MINDY4: variants seen among roughly 807,000 people sequenced by gnomAD.
The protein encoded by MINDY4 is probable ubiquitin carboxyl-terminal hydrolase MINDY-4.
In MINDY4, 68 loss-of-function variants were observed where a neutral mutation model predicts 87.0. The observed-to-expected ratio is 0.78, with a 90% CI of 0.64 to 0.96. MINDY4 has a LOEUF of 0.96. Ranked by LOEUF, MINDY4 falls within the 40% of genes least tolerant of loss-of-function variation. The probability of loss-of-function intolerance (pLI) is 0.00; values close to 1 mark genes in which losing one functional copy is unlikely to be tolerated. For synonymous variants in MINDY4, 379 were observed against 363.2 expected, an observed-to-expected ratio of 1.04 and a Z score of -0.50; for missense variants, 919 against 928.2, an observed-to-expected ratio of 0.99 and a Z score of 0.13.
At chr7:30,818,250 A>G (rs988439251) in intron 5 of MINDY4, among the ~76,000 whole-genome samples, 3 of 152,228 alleles carry the variant, frequency 2.0e-5, no homozygotes, top group Admixed American at 1.3e-4. Flanking sequence ...TACTGTTAAA[A>G]TAGTCTTGCA....
intron 5 of MINDY4, among the ~76,000 whole-genome samples, chr7:30,818,676 T>C (rs932036574): frequency 2.6e-5 from 4 of 152,190 alleles, no homozygotes; most frequent in Admixed American, 6.5e-5. Context: ...GATTTTCTTA[T>C]ATTTGGTGGA....
intron 10 of MINDY4, among the ~76,000 whole-genome samples, chr7:30,851,937 G>C (rs1347267230): frequency 6.6e-6 from 1 of 152,218 alleles, no homozygotes; most frequent in Non-Finnish European, 1.5e-5. Context: ...ACTTCCTACT[G>C]CCAGGGCTTG....
At chr7:30,837,996 G>A (rs1310592699) in intron 7 of MINDY4, among the ~76,000 whole-genome samples, 1 of 152,180 alleles carries the variant, frequency 6.6e-6, no homozygotes, top group African/African-American at 2.4e-5. Context: ...TGATTCTGGT[G>A]GAAAATAATG....
chr7:30,820,949 G>A (rs955844154), intron 5 of MINDY4, among the ~76,000 whole-genome samples: 10 of 152,126 alleles, frequency 6.6e-5, no homozygotes, highest in African/African-American at 2.2e-4. Flanking sequence ...TGAATTAACT[G>A]AAATGTATTT....
chr7:30,773,074 G>A (rs936548101), intron 1 of MINDY4, among the ~76,000 whole-genome samples: 18 of 152,032 alleles, frequency 1.2e-4, no homozygotes, highest in African/African-American at 4.1e-4. Flanking sequence ...AGAGTAGAAA[G>A]GAGTTGCCCA....
intron 5 of MINDY4, 148 bp downstream of exon 5, chr7:30,791,722 G>A: frequency 1.1e-6 from 1 of 877,524 alleles, no homozygotes; most frequent in Non-Finnish European, 1.7e-6. Flanking sequence ...GGTAGAGTTT[G>A]TTATGGTCAA....
At chr7:30,817,766 C>T (rs1475845737) in intron 5 of MINDY4, among the ~76,000 whole-genome samples, 1 of 152,240 alleles carries the variant, frequency 6.6e-6, no homozygotes, top group Non-Finnish European at 1.5e-5. Flanking sequence ...TCTTACCTAG[C>T]ATGTGCGTGT....
chr7:30,833,852 G>A (rs989219304), intron 6 of MINDY4, among the ~76,000 whole-genome samples: 3 of 152,258 alleles, frequency 2.0e-5, no homozygotes, highest in African/African-American at 7.2e-5. Flanking sequence ...CAGCAGGGCA[G>A]TCAAATCTTA....
At chr7:30,813,072 G>A (rs1788050868) in intron 5 of MINDY4, among the ~76,000 whole-genome samples, 1 of 152,178 alleles carries the variant, frequency 6.6e-6, no homozygotes, top group Non-Finnish European at 1.5e-5. Context: ...GGAGGGAGAC[G>A]ATGGTGGGAG....
Position 30,808,542 on chromosome 7 carries a change from C to T in MINDY4, c.1073+16968C>T, listed in dbSNP as rs181608712. On this transcript the variant is annotated intron_variant, in intron 5 of 17. Coordinates refer to ENST00000265299, the MANE Select transcript of MINDY4 (RefSeq NM_032222.3). ...TGTTTTGTCTTGAAGAAGCATGGGT[C>T]AGGCACAAAGTAAGCCCACCCCACT... Among the ~76,000 whole-genome samples, 5 of 152,128 alleles carry T rather than the reference C, an allele frequency of 3.3e-5. No individual in the cohort carries two copies. In the East Asian group the frequency reaches 9.7e-4, roughly 29 times the overall value.
intron 13 of MINDY4, among the ~76,000 whole-genome samples, chr7:30,865,005 G>A (rs4134403): frequency 0.33 from 50,755 of 152,058 alleles, 11,943 homozygotes; most frequent in African/African-American, 0.67. Flanking sequence ...GGAGGTTTAA[G>A]TGTGCTGTTC....
At chr7:30,876,240 T>G (rs557711929) in intron 15 of MINDY4, among the ~76,000 whole-genome samples, 1 of 152,266 alleles carries the variant, frequency 6.6e-6, no homozygotes, top group African/African-American at 2.4e-5. Flanking sequence ...CACTCCAGTC[T>G]CTGCCTCCAT....
chr7:30,825,795 C>A (rs532199720), intron 5 of MINDY4, among the ~76,000 whole-genome samples: 2 of 151,168 alleles, frequency 1.3e-5, no homozygotes, highest in East Asian at 2.0e-4. Context: ...ATAACTGTTA[C>A]CATGTGTATT....
chr7:30,822,655 T>TTTATTTATTTATTTATTTG (rs1788376395), intron 5 of MINDY4, among the ~76,000 whole-genome samples: 5 of 78,992 alleles, frequency 6.3e-5, no homozygotes, highest in African/African-American at 5.6e-4. Context: ...TTATTTATTT[T>TTTATTTATTTATTTATTTG]CAGACAAGGT....
At chr7:30,834,279 A>G (rs755211260) in intron 6 of MINDY4, among the ~76,000 whole-genome samples, 16 of 152,324 alleles carry the variant, frequency 1.1e-4, no homozygotes, top group Non-Finnish European at 2.2e-4. Flanking sequence ...CCAAACCTCA[A>G]TTCTTGACTT....
At chr7:30,881,649 G>T (rs1300606684) in intron 15 of MINDY4, among the ~76,000 whole-genome samples, 1 of 152,188 alleles carries the variant, frequency 6.6e-6, no homozygotes, top group Non-Finnish European at 1.5e-5. Context: ...CGGCTGAGGT[G>T]GGTGGGCACC....
At chr7:30,836,820 G>A in intron 7 of MINDY4, 56 bp downstream of exon 7, 6 of 1,333,122 alleles carry the variant, frequency 4.5e-6, no homozygotes, top group Non-Finnish European at 6.4e-6. Flanking sequence ...GGATATAGAT[G>A]GCGTGATTTT....
chr7:30,828,843 C>T, intron 6 of MINDY4, 106 bp downstream of exon 6: 1 of 1,024,018 alleles, frequency 9.8e-7, no homozygotes, highest in Non-Finnish European at 1.5e-6. Context: ...TTCCACCTGA[C>T]CTCAGCGAGT....
At position 30,882,288 on chromosome 7, in the gene MINDY4, G is replaced by A. The variant is rs545098281; in HGVS notation, c.2079G>A (p.Arg693=). 1.1e-5 allele frequency: 18 copies of A among 1,614,004 alleles called. No individual in the cohort carries two copies. In the East Asian group the frequency reaches 3.8e-4, roughly 34 times the overall value. ...AGCCGGGGCTCCTGCGTGACTGGAG[G>A]ACTGAGAGGCTCTTTGACTTGTACT... is the stretch of plus-strand genomic sequence containing the variant. ...SLQPGLLRDW[R]TERLFDLYYY... is the part of the protein sequence containing the mutation. The change falls in exon 16 of 18, where the codon AGG becomes AGA. Residue 693 remains arginine (R), a synonymous_variant. Coordinates refer to ENST00000265299, the MANE Select transcript of MINDY4 (RefSeq NM_032222.3).
Sources: allele counts gnomAD v4.1 joint callset (sites outside exome capture counted in the v4.1 genomes callset), GRCh38; gene constraint gnomAD v4.1.1; transcripts MANE v1.5; gene names NCBI Gene and HGNC (gene_info 2026-07-23, HGNC 2026-07-21).